The following PKD1L3 variants were observed in gnomAD, a reference collection of about 807,000 sequenced individuals.
The protein encoded by PKD1L3 is polycystin 1 like 3, transient receptor potential channel interacting.
In PKD1L3, 239 loss-of-function variants were observed where a neutral mutation model predicts 184.1. The observed-to-expected ratio is 1.30, with a 90% CI of 1.17 to 1.45. PKD1L3 has a LOEUF of 1.45. PKD1L3 is among the 40% of genes most tolerant of loss of function. The probability of loss-of-function intolerance (pLI) is 0.00; values close to 1 mark genes in which losing one functional copy is unlikely to be tolerated. For synonymous variants in PKD1L3, 996 were observed against 778.8 expected, an observed-to-expected ratio of 1.28 and a Z score of -4.64; for missense variants, 2,660 against 2,067.2, an observed-to-expected ratio of 1.29 and a Z score of -5.56.
At chr16:71,982,924 T>A (rs762835051) in intron 6 of PKD1L3, among the ~76,000 whole-genome samples, 1 of 152,106 alleles carries the variant, frequency 6.6e-6, no homozygotes, top group East Asian at 1.9e-4. Flanking sequence ...TACTTCTTAT[T>A]AGCAGCTTAA....
rs145925668 is a variant in PKD1L3 at position 71,958,642 on chromosome 16, G to C, written c.2613-4341C>G. On this transcript the variant is annotated intron_variant, in intron 16 of 29. Transcript: ENST00000620267. ...CTAAAAATAGAAAAATTAGCCAGGC[G>C]TGGTGGTGGGCGCCTGTAATCCCAG... Among the ~76,000 whole-genome samples the C allele has an allele frequency of 1.4e-4, 21 of 150,354 alleles. No individual in the cohort carries two copies. In the East Asian group the frequency reaches 4.2e-3, roughly 30 times the overall value.
chr16:71,933,507 A>T lies in PKD1L3; in HGVS notation c.4839T>A (p.Phe1613Leu), dbSNP rs377568328. 6.4e-7 allele frequency: 1 copy of T among 1,551,414 alleles called. No individual in the cohort carries two copies. The highest frequency in any genetic ancestry group is 8.7e-7 in the Non-Finnish European group (1 of 1,146,486). The stretch of plus-strand genomic sequence containing the variant: ...TCCGGTAGTCAGAGATGCTGCATCC[A>T]AACAGCAGGTTAAACTGAACAGAAG... Reference protein sequence around the residue: ...TGYAIAFNLLFGCSISDYRTF... With the variant: ...TGYAIAFNLLLGCSISDYRTF... Residue 1613 changes from phenylalanine (F) to leucine (L), a missense_variant, in exon 28 of 30, where the codon TTT becomes TTA. Transcript: ENST00000620267.
intron 12 of PKD1L3, among the ~76,000 whole-genome samples, chr16:71,970,441 A>G (rs1597340946): frequency 6.6e-6 from 1 of 152,248 alleles, no homozygotes; most frequent in East Asian, 1.9e-4. Flanking sequence ...TACATGTTCA[A>G]TAGCAGAACA....
chr16:71,997,667 G>A (rs2143912040), intron 2 of PKD1L3, among the ~76,000 whole-genome samples: 1 of 152,220 alleles, frequency 6.6e-6, no homozygotes, highest in East Asian at 1.9e-4. Flanking sequence ...AGAATCACTG[G>A]AACCCGGGAG....
At chr16:71,994,082 C>T (rs2040693238) in intron 2 of PKD1L3, among the ~76,000 whole-genome samples, 1 of 152,162 alleles carries the variant, frequency 6.6e-6, no homozygotes, top group African/African-American at 2.4e-5. Context: ...CAATAACATT[C>T]TTGAACATGC....
chr16:71,955,548 A>G (rs1383143492), intron 16 of PKD1L3, among the ~76,000 whole-genome samples: 1 of 151,580 alleles, frequency 6.6e-6, no homozygotes, highest in Admixed American at 6.6e-5. Context: ...AGTGGAGTGC[A>G]GTGGTGAGAT....
At chr16:71,966,548 T>C (rs1259505589) in intron 15 of PKD1L3, among the ~76,000 whole-genome samples, 1 of 151,908 alleles carries the variant, frequency 6.6e-6, no homozygotes, top group Non-Finnish European at 1.5e-5. Context: ...CACTTCAGTC[T>C]CCTGAGTAGC....
intron 29 of PKD1L3, 26 bp from the exon 30 acceptor site, chr16:71,929,704 A>G: frequency 1.3e-6 from 2 of 1,506,614 alleles, no homozygotes; most frequent in East Asian, 2.5e-5. Context: ...AAAAAGAGAA[A>G]AGTGAGAAAA....
intron 23 of PKD1L3, among the ~76,000 whole-genome samples, chr16:71,943,300 G>A (rs920725623): frequency 6.6e-6 from 1 of 152,056 alleles, no homozygotes; most frequent in Non-Finnish European, 1.5e-5. Flanking sequence ...ACTTTGGGAA[G>A]CTGAGACGGG....
intron 24 of PKD1L3, among the ~76,000 whole-genome samples, chr16:71,939,480 A>C (rs2038288987): frequency 6.6e-6 from 1 of 152,180 alleles, no homozygotes; most frequent in South Asian, 2.1e-4. Flanking sequence ...ACTAAGATGT[A>C]CCCCTTGTAG....
chr16:71,936,734 C>T (rs754258914), intron 25 of PKD1L3, among the ~76,000 whole-genome samples: 6 of 152,060 alleles, frequency 3.9e-5, no homozygotes, highest in African/African-American at 7.2e-5. Context: ...CCGCCTGCCT[C>T]GGCCTCCTAA....
intron 4 of PKD1L3, among the ~76,000 whole-genome samples, chr16:71,988,655 G>A (rs1014327058): frequency 3.9e-5 from 6 of 152,134 alleles, no homozygotes; most frequent in African/African-American, 1.2e-4. Context: ...TTATAGGGGT[G>A]GCAAAACTCC....
intron 11 of PKD1L3, among the ~76,000 whole-genome samples, chr16:71,974,243 G>A (rs1304393484): frequency 6.6e-6 from 1 of 152,162 alleles, no homozygotes; most frequent in Non-Finnish European, 1.5e-5. Flanking sequence ...GTCACCAGCT[G>A]GCTGGTAGGG....
Position 71,973,387 on chromosome 16 carries a change from G to A in PKD1L3, c.1890C>T (p.Thr630=), listed in dbSNP as rs1334944499. The change falls in exon 12 of 30, where the codon ACC becomes ACT. Residue 630 remains threonine (T), a synonymous_variant. Coordinates refer to ENST00000620267, the MANE Select transcript of PKD1L3 (RefSeq NM_181536.2). ...CCCAGTAGTAACACTGAGTGACGGC[G>A]GTGATGACCGAGACCAAGCTGGGTG... ...QQTPSLVSVI[T]AVTQCYYWEI... 8 of 1,551,634 alleles carry A rather than the reference G, an allele frequency of 5.2e-6. No individual in the cohort carries two copies. Among genetic ancestry groups the A allele is most frequent in the East Asian group, 4.9e-5 (2 of 40,912 alleles).
chr16:71,937,735 G>A (rs1406650426), intron 24 of PKD1L3, among the ~76,000 whole-genome samples: 2 of 152,166 alleles, frequency 1.3e-5, no homozygotes. Flanking sequence ...TGGCTGCAGA[G>A]AGAGGTCTAA....
intron 17 of PKD1L3, 31 bp from the exon 18 acceptor site, chr16:71,953,124 C>A: frequency 2.0e-5 from 29 of 1,421,976 alleles, no homozygotes; most frequent in Non-Finnish European, 2.7e-5. Flanking sequence ...CAACTTTCAT[C>A]TTCAACAATT....
rs1298424890 is a variant in PKD1L3, at chr16:71,986,239, C to A, written c.816G>T (p.Leu272Phe). 1 of 1,552,340 alleles carries A rather than the reference C, an allele frequency of 6.4e-7. No homozygotes were observed. The highest frequency in any genetic ancestry group is 2.0e-5 in the Admixed American group (1 of 51,000). ...TGTTTACCTGACCAGATGCCTTCTG[C>A]AATGACACTTGTAGATAAGAGGTGA... The part of the protein sequence containing the change: ...NTFTSYLQVS[L>F]QKASGQVIDE... The change falls in exon 5 of 30, where the codon TTG (leucine) becomes TTT (phenylalanine). Residue 272 changes from leucine (L) to phenylalanine (F), a missense_variant. Physicochemically the swap from Leu to Phe is conservative, Grantham distance 22. Transcript: ENST00000620267.
At chr16:71,983,786 T>G (rs904012452) in intron 6 of PKD1L3, among the ~76,000 whole-genome samples, 4 of 148,544 alleles carry the variant, frequency 2.7e-5, no homozygotes, top group Non-Finnish European at 5.9e-5. Flanking sequence ...GCCTCAGCCT[T>G]CCAAGTAGCT....
At chr16:71,962,963 G>A (rs764644138) in intron 16 of PKD1L3, among the ~76,000 whole-genome samples, 11 of 151,856 alleles carry the variant, frequency 7.2e-5, no homozygotes, top group Admixed American at 3.3e-4. Context: ...GATTCTCTAG[G>A]TAAACAGTTT....
Sources: allele counts gnomAD v4.1 joint callset (sites outside exome capture counted in the v4.1 genomes callset), GRCh38; gene constraint gnomAD v4.1.1; transcripts MANE v1.5; gene names NCBI Gene and HGNC (gene_info 2026-07-23, HGNC 2026-07-21).